Variants in SYT14 observed in about 807,000 individuals in gnomAD.
SYT14 encodes synaptotagmin 14, also known as synaptotagmin-14.
A neutral mutation model predicts 74.2 loss-of-function variants in SYT14; 32 were observed. That is an observed-to-expected ratio of 0.43 (90% CI 0.33 to 0.58). The LOEUF (loss-of-function observed/expected upper bound fraction) is 0.58. Among genes scored for constraint, SYT14 ranks in the 20% least tolerant of loss-of-function variants. SYT14 has a pLI of 0.05. For missense variants in SYT14, 791 were observed against 981.8 expected (o/e 0.81, Z 2.60); for synonymous variants, 298 against 337.7 (o/e 0.88, Z 1.29).
At chr1:209,973,221 T>G (rs1309071744) in intron 2 of SYT14, among the ~76,000 whole-genome samples, 1 of 152,116 alleles carries the variant, frequency 6.6e-6, no homozygotes, top group African/African-American at 2.4e-5. Flanking sequence ...TATTTTATTT[T>G]TTATTATACT....
chr1:210,144,919 A>G (rs1278092116), intron 7 of SYT14, among the ~76,000 whole-genome samples: 1 of 151,850 alleles, frequency 6.6e-6, no homozygotes, highest in Admixed American at 6.5e-5. Flanking sequence ...TTTCTGGGAT[A>G]CGGAGTCTTT....
chr1:210,159,533 C>T (rs966292006), intron 9 of SYT14, 56 bp downstream of exon 8: 1 of 1,487,098 alleles, frequency 6.7e-7, no homozygotes, highest in Non-Finnish European at 9.2e-7. Flanking sequence ...ACCAAAATAC[C>T]CTAAAACTTG....
chr1:210,074,475 A>T (rs1458730625), intron 5 of SYT14, among the ~76,000 whole-genome samples: 1 of 152,216 alleles, frequency 6.6e-6, no homozygotes, highest in Non-Finnish European at 1.5e-5. Context: ...ATTGATACAA[A>T]CATAGGCACT....
chr1:210,127,521 C>G (rs939841971), intron 7 of SYT14, among the ~76,000 whole-genome samples: 1 of 152,116 alleles, frequency 6.6e-6, no homozygotes, highest in African/African-American at 2.4e-5. Context: ...AGGAGGAGAG[C>G]CCTTCCAACA....
intron 5 of SYT14, among the ~76,000 whole-genome samples, chr1:210,054,763 C>T (rs1378980201): frequency 6.6e-6 from 1 of 152,130 alleles, no homozygotes; most frequent in Non-Finnish European, 1.5e-5. Context: ...CATTATCCTG[C>T]TTTTGTTGAG....
intron 5 of SYT14, among the ~76,000 whole-genome samples, chr1:210,081,964 C>T (rs750365148): frequency 4.6e-5 from 7 of 152,082 alleles, no homozygotes; most frequent in Non-Finnish European, 8.8e-5. Context: ...ATGCTGAGCT[C>T]AGTTGTGGAA....
At chr1:210,102,243 A>G (rs1408050420) in intron 7 of SYT14, among the ~76,000 whole-genome samples, 5 of 152,112 alleles carry the variant, frequency 3.3e-5, no homozygotes, top group African/African-American at 9.7e-5. Context: ...CTGATCCTCT[A>G]TCTTCTCCCA....
chr1:210,120,798 A>G (rs1201771566), intron 7 of SYT14, among the ~76,000 whole-genome samples: 1 of 152,062 alleles, frequency 6.6e-6, no homozygotes, highest in Non-Finnish European at 1.5e-5. Flanking sequence ...CTTTTTTGTT[A>G]GTCAGTTTAC....
chr1:210,123,134 A>G (rs2082500791), intron 7 of SYT14, among the ~76,000 whole-genome samples: 1 of 152,236 alleles, frequency 6.6e-6, no homozygotes. Context: ...GTTTATTTTT[A>G]CAGTTAAAGA....
chr1:210,007,353 C>T (rs2080008672), intron 2 of SYT14, among the ~76,000 whole-genome samples: 1 of 151,830 alleles, frequency 6.6e-6, no homozygotes. Context: ...TCACAGAGAG[C>T]AGTTAATATT....
Position 210,112,040 on chromosome 1 carries a change from G to A in SYT14, c.2034+11579G>A, listed in dbSNP as rs186953366. On this transcript the variant is annotated intron_variant, in intron 7 of 9. Coordinates refer to ENST00000637265, the Ensembl canonical transcript of SYT14. The stretch of plus-strand genomic sequence containing the variant: ...TTGGGAGATTTGACTAGTAAAGGCC[G>A]GTCCGTTATCAGACTGTACAGAGGT... 1.8e-4 allele frequency among the ~76,000 whole-genome samples: 27 copies of A among 151,220 alleles called. No homozygotes were observed. The East Asian group carries it at 3.1e-3, about 17-fold the overall frequency.
chr1:210,100,943 A>C (rs2082053632), intron 7 of SYT14, among the ~76,000 whole-genome samples: 2 of 152,280 alleles, frequency 1.3e-5, no homozygotes, highest in South Asian at 4.1e-4. Flanking sequence ...CTGTGAAATT[A>C]TTTTAAAATT....
At chr1:209,950,435 A>G (rs1262040195) in intron 1 of SYT14, among the ~76,000 whole-genome samples, 2 of 152,160 alleles carry the variant, frequency 1.3e-5, no homozygotes, top group Non-Finnish European at 2.9e-5. Flanking sequence ...ATGTAGGTGT[A>G]TTTCATTCTA....
rs200840971 is a variant in SYT14, at chr1:209,942,369, C to A, written c.-534+4092C>A. 7.5e-5 allele frequency among the ~76,000 whole-genome samples: 10 copies of A among 133,502 alleles called. No homozygotes were observed. In the South Asian group the frequency reaches 1.7e-3, roughly 22 times the overall value. The allele number at this position is 133,502 out of a possible 152,430, so 87.6% of individuals were successfully genotyped here. A position where few individuals can be genotyped will look rare whatever the true frequency, so the allele number is the denominator to read the frequency against. The stretch of plus-strand genomic sequence containing the variant: ...GCCTCCATGCAAATTTACCCCCCCC[C>A]CCCCGCTCTGTTGTGCAGATTTACC... On this transcript the variant is annotated intron_variant, in intron 1 of 9. Transcript: ENST00000637265.
At chr1:210,102,732 G>T (rs2082089933) in intron 7 of SYT14, among the ~76,000 whole-genome samples, 1 of 152,004 alleles carries the variant, frequency 6.6e-6, no homozygotes, top group Admixed American at 6.6e-5. Context: ...CCCAGGCTGG[G>T]GTGTAGTAGT....
intron 5 of SYT14, among the ~76,000 whole-genome samples, chr1:210,049,743 A>G (rs2080956744): frequency 6.6e-6 from 1 of 152,132 alleles, no homozygotes; most frequent in Non-Finnish European, 1.5e-5. Flanking sequence ...CACAGGCTCA[A>G]CACCACGTGG....
At chr1:210,170,310 TTTA>T in exon 10 of SYT14, 1 of 152,084 alleles carries the variant, frequency 6.6e-6, no homozygotes, top group East Asian at 1.9e-4. Context: ...AGCAGTCTGT[TTTA>T]TAGAGTGAGC....
chr1:209,942,359 T>C (rs1462766766), intron 1 of SYT14, among the ~76,000 whole-genome samples: 1 of 65,384 alleles, frequency 1.5e-5, no homozygotes. Flanking sequence ...CATGCAAATT[T>C]ACCCCCCCCC....
At chr1:210,017,085 T>C (rs2080200074) in exon 4 of SYT14, 2 of 1,231,674 alleles carry the variant, frequency 1.6e-6, no homozygotes, top group South Asian at 4.1e-5. Flanking sequence ...TATTCTAAGA[T>C]AATACCAGAA....
Sources: allele counts gnomAD v4.1 joint callset (sites outside exome capture counted in the v4.1 genomes callset), GRCh38; gene constraint gnomAD v4.1.1; transcripts MANE v1.5; gene names NCBI Gene and HGNC (gene_info 2026-07-23, HGNC 2026-07-21).